ZFHX3: variants seen among roughly 807,000 people sequenced by gnomAD.
ZFHX3 encodes the protein zinc finger homeobox 3, also known as zinc finger homeobox protein 3.
Under a neutral mutation model 279.1 loss-of-function variants are expected in ZFHX3, and 42 were observed. The observed-to-expected ratio is 0.15, with a 90% confidence interval of 0.12 to 0.19. ZFHX3 has a LOEUF of 0.19. ZFHX3 is among the 10% of genes least tolerant of loss of function. The pLI is 1.00. For missense variants in ZFHX3, 4,981 were observed against 4,754.0 expected, an observed-to-expected ratio of 1.05 and a Z score of -1.40; for synonymous variants, 2,293 against 1,957.8, an observed-to-expected ratio of 1.17 and a Z score of -4.52.
At chr16:73,038,288 G>T (rs1345256420) in intron 1 of ZFHX3, among the ~76,000 whole-genome samples, 1 of 152,228 alleles carries the variant, frequency 6.6e-6, no homozygotes, top group African/African-American at 2.4e-5. Flanking sequence ...CCACTGTGGA[G>T]GCTGGGGGAG....
At chr16:72,877,937 G>A (rs1472397826) in intron 4 of ZFHX3, among the ~76,000 whole-genome samples, 2 of 152,202 alleles carry the variant, frequency 1.3e-5, no homozygotes, top group Admixed American at 1.3e-4. Flanking sequence ...ACCTGAACAG[G>A]GCAAGTCACA....
At chr16:73,771,283 T>C (rs2054014614) in intron 1 of ZFHX3, among the ~76,000 whole-genome samples, 1 of 152,132 alleles carries the variant, frequency 6.6e-6, no homozygotes, top group Non-Finnish European at 1.5e-5. Context: ...TTCCAAGTGG[T>C]ACTACAGGAT....
intron 1 of ZFHX3, among the ~76,000 whole-genome samples, chr16:73,708,045 G>A (rs1456642186): frequency 3.4e-5 from 5 of 149,202 alleles, no homozygotes; most frequent in Admixed American, 2.7e-4. Flanking sequence ...TGGTTTTTGT[G>A]GTACATTTGA....
rs185545165 is a variant in ZFHX3 at position 73,127,465 on chromosome 16, G to A, written c.-897+3503C>T. 5.6e-4 allele frequency: 725 copies of A among 1,305,404 alleles called. 6 individuals are homozygous for A. The African/African-American group carries it at 9.0e-3, about 16-fold the overall frequency. 80.9% of individuals were successfully genotyped at this position (1,305,404 alleles called of 1,614,324 possible). ...GGAACTGAGACATCAAGCGAGAGCCGGGCATCGACAGGCAAGATCACTGGT... is the reference window on the plus strand; with the variant it reads ...GGAACTGAGACATCAAGCGAGAGCCAGGCATCGACAGGCAAGATCACTGGT... On this transcript the variant is annotated intron_variant, in intron 7 of 17. Transcript: ENST00000641206.
At chr16:73,039,104 G>A (rs1194100986) in intron 1 of ZFHX3, among the ~76,000 whole-genome samples, 4 of 147,218 alleles carry the variant, frequency 2.7e-5, no homozygotes, top group African/African-American at 7.5e-5. Context: ...ACATGCCACC[G>A]AGCCTAGCTA....
intron 4 of ZFHX3, among the ~76,000 whole-genome samples, chr16:72,889,336 T>C (rs2073851): frequency 0.023 from 3,463 of 152,210 alleles, 62 homozygotes; most frequent in East Asian, 0.096. Flanking sequence ...ATCTGCTTTG[T>C]CAATTTGAAC....
chr16:73,589,803 G>A (rs185952079), intron 2 of ZFHX3, among the ~76,000 whole-genome samples: 118 of 138,148 alleles, frequency 8.5e-4, no homozygotes, highest in African/African-American at 3.0e-3. Context: ...TTTGACTTTG[G>A]AACCTGGTAA....
intron 4 of ZFHX3, among the ~76,000 whole-genome samples, chr16:73,261,655 C>G (rs1255875770): frequency 7.2e-6 from 1 of 138,104 alleles, no homozygotes; most frequent in Non-Finnish European, 1.6e-5. Context: ...TAAATATAAA[C>G]ATTCCTGTGA....
chr16:73,725,057 C>T (rs1457067078), intron 1 of ZFHX3, among the ~76,000 whole-genome samples: 1 of 152,224 alleles, frequency 6.6e-6, no homozygotes, highest in Non-Finnish European at 1.5e-5. Flanking sequence ...TTCCTATAAA[C>T]TGGCTCCTTC....
At chr16:73,884,736 A>G (rs115044688) in intron 1 of ZFHX3, among the ~76,000 whole-genome samples, 2,620 of 152,332 alleles carry the variant, frequency 0.017, 80 homozygotes, top group African/African-American at 0.06. Flanking sequence ...TCTACAAAGA[A>G]TAAGAATCTT....
chr16:73,112,098 G>A (rs1366202946), intron 7 of ZFHX3, among the ~76,000 whole-genome samples: 1 of 151,968 alleles, frequency 6.6e-6, no homozygotes, highest in Non-Finnish European at 1.5e-5. Context: ...AAACACCTGG[G>A]GAGATGCCCC....
intron 2 of ZFHX3, among the ~76,000 whole-genome samples, chr16:73,667,289 T>A (rs987753254): frequency 2.6e-5 from 4 of 152,160 alleles, no homozygotes; most frequent in African/African-American, 9.7e-5. Flanking sequence ...CACACCCAGC[T>A]GGATATGCAA....
At chr16:72,854,948 G>GA (rs3079313) in intron 4 of ZFHX3, among the ~76,000 whole-genome samples, 1 of 97,482 alleles carries the variant, frequency 1.0e-5, no homozygotes, top group African/African-American at 4.0e-5. Context: ...TGGGGGGGGG[G>GA]TGTCAAATGG....
intron 2 of ZFHX3, among the ~76,000 whole-genome samples, chr16:73,468,301 A>T (rs879382932): frequency 5.3e-5 from 8 of 152,218 alleles, no homozygotes; most frequent in Non-Finnish European, 5.9e-5. Flanking sequence ...GAAGGAAGAA[A>T]GAAGGGGGCA....
intron 2 of ZFHX3, among the ~76,000 whole-genome samples, chr16:73,630,420 T>C (rs2052457566): frequency 6.6e-6 from 1 of 152,230 alleles, no homozygotes; most frequent in African/African-American, 2.4e-5. Flanking sequence ...GGGTTTCATA[T>C]GTCAACTTCA....
chr16:72,941,555 T>C (rs1315943867), intron 3 of ZFHX3, among the ~76,000 whole-genome samples: 1 of 152,210 alleles, frequency 6.6e-6, no homozygotes, highest in Non-Finnish European at 1.5e-5. Flanking sequence ...AACATCATTG[T>C]TGCTTATCTG....
chr16:73,343,713 C>A (rs1395434631), intron 3 of ZFHX3, among the ~76,000 whole-genome samples: 2 of 152,106 alleles, frequency 1.3e-5, no homozygotes, highest in African/African-American at 4.8e-5. Context: ...AGTGAGATCC[C>A]ATCTCTAAAG....
intron 1 of ZFHX3, among the ~76,000 whole-genome samples, chr16:73,801,633 G>A (rs1018712781): frequency 5.3e-5 from 8 of 152,194 alleles, no homozygotes; most frequent in African/African-American, 1.9e-4. Flanking sequence ...TACAAAACAA[G>A]TGCAGAAGTC....
chr16:72,891,757 G>A (rs2038778047), intron 3 of ZFHX3, among the ~76,000 whole-genome samples: 1 of 152,250 alleles, frequency 6.6e-6, no homozygotes. Flanking sequence ...GTGATTACGT[G>A]TCCTTCCTTT....
Sources: allele counts gnomAD v4.1 joint callset (sites outside exome capture counted in the v4.1 genomes callset), GRCh38; gene constraint gnomAD v4.1.1; transcripts MANE v1.5; gene names NCBI Gene and HGNC (gene_info 2026-07-23, HGNC 2026-07-21).